DLG2: variants seen among roughly 807,000 people sequenced by gnomAD.
DLG2 encodes the protein disks large homolog 2.
DLG2 carries 45 observed loss-of-function variants against 132.5 expected under a neutral mutation model. That is an observed-to-expected ratio of 0.34 (90% CI 0.27 to 0.44). The LOEUF (loss-of-function observed/expected upper bound fraction) is 0.44. Ranked by LOEUF, DLG2 falls within the 20% of genes least tolerant of loss-of-function variation. The pLI is 1.00. For missense variants in DLG2, 1,045 were observed against 1,196.9 expected (o/e 0.87, Z 1.87); for synonymous variants, 424 against 419.6 (o/e 1.01, Z -0.13).
chr11:84,828,156 A>G (rs1279122477), intron 6 of DLG2, among the ~76,000 whole-genome samples: 1 of 151,782 alleles, frequency 6.6e-6, no homozygotes, highest in East Asian at 2.0e-4. Context: ...AAAGGACTGG[A>G]TAGGCAGGGG....
chr11:85,578,093 T>A (rs1275495852), intron 3 of DLG2, among the ~76,000 whole-genome samples: 1 of 152,090 alleles, frequency 6.6e-6, no homozygotes, highest in Non-Finnish European at 1.5e-5. Flanking sequence ...AGCACACACC[T>A]ACCACAATCT....
intron 17 of DLG2, among the ~76,000 whole-genome samples, chr11:83,829,592 A>G (rs1438271049): frequency 6.6e-6 from 1 of 152,178 alleles, no homozygotes; most frequent in Non-Finnish European, 1.5e-5. Context: ...AAAATATTTT[A>G]TCTTCCATAT....
intron 19 of DLG2, among the ~76,000 whole-genome samples, chr11:83,614,632 T>C (rs1192849731): frequency 1.3e-4 from 20 of 152,078 alleles, no homozygotes; most frequent in Non-Finnish European, 4.4e-5. Context: ...GGTGGGAAGA[T>C]CACCTGAGCC....
At chr11:85,472,679 G>A (rs1400333113) in intron 3 of DLG2, among the ~76,000 whole-genome samples, 2 of 152,144 alleles carry the variant, frequency 1.3e-5, no homozygotes, top group Non-Finnish European at 2.9e-5. Context: ...CTTAAATGTG[G>A]GAAAAGAATC....
intron 6 of DLG2, among the ~76,000 whole-genome samples, chr11:84,784,563 T>A (rs948043398): frequency 6.6e-6 from 1 of 152,048 alleles, no homozygotes; most frequent in Non-Finnish European, 1.5e-5. Context: ...CTCCCTCAGA[T>A]TATTTTGAAG....
chr11:85,584,364 G>A (rs1409804392), intron 3 of DLG2, among the ~76,000 whole-genome samples: 1 of 151,016 alleles, frequency 6.6e-6, no homozygotes, highest in Non-Finnish European at 1.5e-5. Context: ...GTGTGTGTGT[G>A]TGTGTGTGTG....
At chr11:85,449,886 G>T (rs2092167951) in intron 3 of DLG2, among the ~76,000 whole-genome samples, 1 of 150,750 alleles carries the variant, frequency 6.6e-6, no homozygotes, top group Non-Finnish European at 1.5e-5. Context: ...CCAGCACTTT[G>T]CAAGGCCAAG....
chr11:85,465,375 T>C (rs2092753461), intron 3 of DLG2, among the ~76,000 whole-genome samples: 1 of 151,986 alleles, frequency 6.6e-6, no homozygotes, highest in Non-Finnish European at 1.5e-5. Flanking sequence ...TACATATGTA[T>C]ACATGTGCCA....
chr11:85,169,289 G>A (rs2078677917), intron 4 of DLG2, among the ~76,000 whole-genome samples: 1 of 152,126 alleles, frequency 6.6e-6, no homozygotes, highest in Admixed American at 6.6e-5. Context: ...GTTCAACTGT[G>A]TCTATAATAT....
chr11:83,702,779 C>A (rs1234061276), intron 18 of DLG2, among the ~76,000 whole-genome samples: 1 of 152,200 alleles, frequency 6.6e-6, no homozygotes, highest in Non-Finnish European at 1.5e-5. Flanking sequence ...AAAGCACTTT[C>A]TTTTAAAAGT....
chr11:85,486,776 T>C (rs2093438490), intron 3 of DLG2, among the ~76,000 whole-genome samples: 2 of 151,928 alleles, frequency 1.3e-5, no homozygotes, highest in South Asian at 4.2e-4. Context: ...CCTGAGTGCC[T>C]GCCCACAAGC....
At chr11:83,980,699 GA>G (rs2092699300) in intron 11 of DLG2, 57 bp from the exon 12 acceptor site, 1 of 1,429,874 alleles carries the variant, frequency 7.0e-7, no homozygotes, top group Non-Finnish European at 9.2e-7. Context: ...GTTGTTTTTA[GA>G]AAATGCAGTT....
At chr11:85,584,895 A>G (rs1170169337) in intron 3 of DLG2, among the ~76,000 whole-genome samples, 3 of 152,004 alleles carry the variant, frequency 2.0e-5, no homozygotes, top group Non-Finnish European at 4.4e-5. Context: ...TAGATTTTGG[A>G]TATTAGTCCT....
At chr11:84,446,565 T>TC (rs1370770114) in intron 7 of DLG2, among the ~76,000 whole-genome samples, 2 of 108,618 alleles carry the variant, frequency 1.8e-5, no homozygotes, top group Admixed American at 1.7e-4. Flanking sequence ...TCATATCAAT[T>TC]TTTTTTTTTT....
At chr11:83,929,964 A>G (rs772882519) in intron 15 of DLG2, among the ~76,000 whole-genome samples, 1 of 152,216 alleles carries the variant, frequency 6.6e-6, no homozygotes, top group Non-Finnish European at 1.5e-5. Context: ...ATTAAATATT[A>G]TTTAAAAATA....
chr11:84,395,814 G>A (rs916997255), intron 7 of DLG2, among the ~76,000 whole-genome samples: 2 of 152,152 alleles, frequency 1.3e-5, no homozygotes, highest in African/African-American at 2.4e-5. Flanking sequence ...AGTTTTGTTC[G>A]TTTAAAAATA....
At chr11:84,056,303 G>A (rs1199304211) in intron 11 of DLG2, among the ~76,000 whole-genome samples, 3 of 151,938 alleles carry the variant, frequency 2.0e-5, no homozygotes, top group African/African-American at 7.3e-5. Flanking sequence ...CAACTCCCAC[G>A]ACTGAGACCA....
intron 7 of DLG2, among the ~76,000 whole-genome samples, chr11:84,438,547 CT>C (rs2099008083): frequency 6.6e-6 from 1 of 152,112 alleles, no homozygotes; most frequent in Non-Finnish European, 1.5e-5. Context: ...GAAATATCAC[CT>C]TTGGGGAGGT....
chr11:85,478,222 A>G (rs1457794061), intron 3 of DLG2, among the ~76,000 whole-genome samples: 2 of 151,950 alleles, frequency 1.3e-5, no homozygotes, highest in African/African-American at 4.8e-5. Flanking sequence ...GGGTCTCACT[A>G]TGTTGCCCAG....
Sources: allele counts gnomAD v4.1 joint callset (sites outside exome capture counted in the v4.1 genomes callset), GRCh38; gene constraint gnomAD v4.1.1; transcripts MANE v1.5; gene names NCBI Gene and HGNC (gene_info 2026-07-23, HGNC 2026-07-21).